The following DIS3L2 variants were observed in gnomAD, a reference collection of about 807,000 sequenced individuals.
The protein encoded by DIS3L2 is DIS3 like 3'-5' exoribonuclease 2.
Under a neutral mutation model 97.5 loss-of-function variants are expected in DIS3L2, and 34 were observed. That is an observed-to-expected ratio of 0.35 (90% confidence interval 0.27 to 0.46). The LOEUF is 0.46. Among genes scored for constraint, DIS3L2 ranks in the 20% least tolerant of loss-of-function variants. The pLI is 1.00. For synonymous variants in DIS3L2, 435 were observed against 445.2 expected, an observed-to-expected ratio of 0.98 and a Z score of 0.29; for missense variants, 1,038 against 1,146.0, an observed-to-expected ratio of 0.91 and a Z score of 1.36.
chr2:231,981,097 C>T (rs1024615039), intron 1 of DIS3L2, among the ~76,000 whole-genome samples: 1 of 152,050 alleles, frequency 6.6e-6, no homozygotes, highest in African/African-American at 2.4e-5. Flanking sequence ...GCATGCACCA[C>T]CATGCCTGGC....
rs1002612066 is a variant in DIS3L2 at position 232,337,101 on chromosome 2, G to A, written c.*471G>A. On this transcript the variant is annotated 3_prime_UTR_variant, in exon 21 of 21. Coordinates refer to ENST00000325385, the MANE Select transcript of DIS3L2 (RefSeq NM_152383.5). Reference sequence around the variant, plus strand: ...CGATGTCAACACCTGGAACTTTCCTGTCAGTTCCAACACGATTCAGAGCTG... The same window carrying A: ...CGATGTCAACACCTGGAACTTTCCTATCAGTTCCAACACGATTCAGAGCTG... The A allele has an allele frequency of 1.3e-5, 13 of 1,022,722 alleles. No individual in the cohort carries two copies. The highest frequency in any genetic ancestry group is 5.5e-5 in the Admixed American group (1 of 18,196). 63.4% of individuals were successfully genotyped at this position (1,022,722 alleles called of 1,614,324 possible).
intron 14 of DIS3L2, among the ~76,000 whole-genome samples, chr2:232,302,851 C>T (rs931100006): frequency 3.3e-5 from 5 of 151,990 alleles, no homozygotes; most frequent in East Asian, 1.9e-4. Flanking sequence ...TGAGCCACCA[C>T]GCCCGGCCTG....
At chr2:232,175,017 T>A (rs1288291953) in intron 9 of DIS3L2, among the ~76,000 whole-genome samples, 1 of 152,004 alleles carries the variant, frequency 6.6e-6, no homozygotes, top group East Asian at 1.9e-4. Flanking sequence ...TTTGTGGAGA[T>A]AGGGTTTTGC....
At chr2:232,329,785 T>TGCCGGGGGGGCGGCC in intron 14 of DIS3L2, 28 bp from the exon 15 acceptor site, 1 of 967,144 alleles carries the variant, frequency 1.0e-6, no homozygotes, top group Non-Finnish European at 1.5e-6. Flanking sequence ...ACCCCAGCGG[T>TGCCGGGGGGGCGGCC]CCCTCCCATC....
chr2:232,247,290 TC>T (rs1472200806), intron 11 of DIS3L2, among the ~76,000 whole-genome samples: 1 of 152,184 alleles, frequency 6.6e-6, no homozygotes, highest in Non-Finnish European at 1.5e-5. Context: ...TAGCTCAGGC[TC>T]CTATAGTAAC....
chr2:232,312,002 T>C (rs1450846718), intron 14 of DIS3L2, among the ~76,000 whole-genome samples: 1 of 152,232 alleles, frequency 6.6e-6, no homozygotes, highest in Non-Finnish European at 1.5e-5. Context: ...GGCCATTCAG[T>C]AGAGTGCCTT....
chr2:231,982,893 T>C (rs1693301235), intron 1 of DIS3L2, among the ~76,000 whole-genome samples: 1 of 152,124 alleles, frequency 6.6e-6, no homozygotes, highest in South Asian at 2.1e-4. Flanking sequence ...TTGGCCAGGC[T>C]GGTCTCGAAC....
intron 10 of DIS3L2, among the ~76,000 whole-genome samples, chr2:232,220,849 T>C (rs12999495): frequency 2.0e-5 from 3 of 152,088 alleles, no homozygotes; most frequent in African/African-American, 7.2e-5. Flanking sequence ...ATTCCTGTAA[T>C]CCCAGCACTT....
At chr2:232,116,514 G>C (rs902028229) in intron 6 of DIS3L2, among the ~76,000 whole-genome samples, 2 of 152,144 alleles carry the variant, frequency 1.3e-5, no homozygotes, top group Non-Finnish European at 2.9e-5. Context: ...AATAATTCCC[G>C]TTCTCCTTAG....
At chr2:232,090,896 G>C (rs967433113) in intron 6 of DIS3L2, among the ~76,000 whole-genome samples, 1 of 152,206 alleles carries the variant, frequency 6.6e-6, no homozygotes, top group Non-Finnish European at 1.5e-5. Context: ...TCTGGTAAGA[G>C]AGCACATTGC....
chr2:232,342,218 TAC>T lies in DIS3L2; in HGVS notation c.1582-1123_1582-1122del, dbSNP rs977541227. Among the ~76,000 whole-genome samples, 43 of 150,464 alleles carry T rather than the reference TAC, an allele frequency of 2.9e-4. No homozygotes were observed. The South Asian group carries it at 5.2e-3, about 18-fold the overall frequency. The stretch of plus-strand genomic sequence containing the variant: ...ATACACATACATATATACACATATA[TAC>T]ACATACATATATACACATACACATA... On this transcript the variant is annotated intron_variant, in intron 13 of 13. Coordinates refer to the DIS3L2 transcript ENST00000273009.
chr2:232,291,052 G>A (rs1221389904), intron 13 of DIS3L2, among the ~76,000 whole-genome samples: 1 of 152,210 alleles, frequency 6.6e-6, no homozygotes, highest in East Asian at 1.9e-4. Context: ...AGAGCTTGGG[G>A]TGGGGAGGAA....
intron 10 of DIS3L2, among the ~76,000 whole-genome samples, chr2:232,237,150 C>G (rs1692955007): frequency 6.6e-6 from 1 of 152,062 alleles, no homozygotes; most frequent in African/African-American, 2.4e-5. Context: ...TGTATATACT[C>G]TTGTATGTAT....
chr2:231,983,951 CAG>C lies in DIS3L2; in HGVS notation c.-94+22189_-94+22190del, dbSNP rs573446769. On this transcript the variant is annotated intron_variant, in intron 1 of 20. Transcript: ENST00000325385. ...AGTGGAACAAAGTTCTTTATTATAACAGAGTTTTCTAATTATTATTGGGATAT... is the reference window on the plus strand; with the variant it reads ...AGTGGAACAAAGTTCTTTATTATAACAGTTTTCTAATTATTATTGGGATAT... Among the ~76,000 whole-genome samples, 537 of 149,312 alleles carry C rather than the reference CAG, an allele frequency of 3.6e-3. 3 individuals carry two copies. The highest frequency in any genetic ancestry group is 0.012 in the African/African-American group (492 of 40,724).
At chr2:231,980,672 T>C (rs1250335486) in intron 1 of DIS3L2, among the ~76,000 whole-genome samples, 1 of 151,798 alleles carries the variant, frequency 6.6e-6, no homozygotes, top group African/African-American at 2.4e-5. Flanking sequence ...CACTCCAACC[T>C]GGGTGACAGA....
At chr2:232,343,729 C>A in exon 14 of DIS3L2, 1 of 793,144 alleles carries the variant, frequency 1.3e-6, no homozygotes, top group Non-Finnish European at 2.0e-6. Flanking sequence ...TTACGGAGCT[C>A]GCCTCTGCAT....
intron 13 of DIS3L2, among the ~76,000 whole-genome samples, chr2:232,273,852 G>A (rs1228478756): frequency 6.6e-6 from 1 of 152,188 alleles, no homozygotes; most frequent in Admixed American, 6.5e-5. Flanking sequence ...TCTAGGGTCA[G>A]CTACCATTAG....
At chr2:232,138,860 T>A (rs964435044) in intron 8 of DIS3L2, among the ~76,000 whole-genome samples, 5 of 152,326 alleles carry the variant, frequency 3.3e-5, no homozygotes, top group Admixed American at 3.3e-4. Context: ...TCGGACTTCC[T>A]TTGCCTATGT....
At position 231,979,834 on chromosome 2, in the gene DIS3L2, C is replaced by G. The variant is rs973639055; in HGVS notation, c.-94+18069C>G. On this transcript the variant is annotated intron_variant, in intron 1 of 20. Coordinates refer to ENST00000325385, the MANE Select transcript of DIS3L2 (RefSeq NM_152383.5). Reference sequence around the variant, plus strand: ...CTTGTGATCCACCCACCTCGGCCTCCCAAAGTGCTGGGATTACAGTCGTGA... The same window carrying G: ...CTTGTGATCCACCCACCTCGGCCTCGCAAAGTGCTGGGATTACAGTCGTGA... Among the ~76,000 whole-genome samples the G allele has an allele frequency of 5.9e-5, 9 of 152,120 alleles. 1 individual carries two copies. The South Asian group carries it at 1.9e-3, about 32-fold the overall frequency.
Sources: allele counts gnomAD v4.1 joint callset (sites outside exome capture counted in the v4.1 genomes callset), GRCh38; gene constraint gnomAD v4.1.1; transcripts MANE v1.5; gene names NCBI Gene and HGNC (gene_info 2026-07-23, HGNC 2026-07-21).